PLEKHG2: variants seen among roughly 807,000 people sequenced by gnomAD.
PLEKHG2 encodes pleckstrin homology domain-containing family G member 2.
In PLEKHG2, 71 loss-of-function variants were observed where a neutral mutation model predicts 104.4. The observed-to-expected ratio is 0.68, with a 90% CI of 0.56 to 0.83. The LOEUF is 0.83. Ranked by LOEUF, PLEKHG2 falls within the 40% of genes least tolerant of loss-of-function variation. The pLI is 0.00. For synonymous variants in PLEKHG2, 728 were observed against 737.0 expected (o/e 0.99, Z 0.20); for missense variants, 1,730 against 1,809.4 (o/e 0.96, Z 0.80).
At chr19:39,414,668 T>C (rs558877426) in intron 2 of PLEKHG2, among the ~76,000 whole-genome samples, 1 of 152,154 alleles carries the variant, frequency 6.6e-6, no homozygotes, top group Non-Finnish European at 1.5e-5. Context: ...CAGTGCCCTG[T>C]GGATCTGAGG....
Position 39,423,367 on chromosome 19 carries a change from G to C in PLEKHG2, c.2313G>C (p.Trp771Cys), listed in dbSNP as rs2078730146. ...CTTGCTCAGAAATCCGGAGCGCCTG[G>C]CAGGCATTGGAACAGGGACAGCTGG... The part of the protein sequence containing the change: ...FRSCSEIRSA[W>C]QALEQGQLAR... The change falls in exon 18 of 19, where the codon TGG becomes TGC. Residue 771 changes from tryptophan to cysteine, a missense_variant. By Grantham distance (215) the Trp-to-Cys change is radical. Coordinates refer to ENST00000425673, the MANE Select transcript of PLEKHG2 (RefSeq NM_022835.3). 1 of 1,613,198 alleles carries C rather than the reference G, an allele frequency of 6.2e-7. No individual in the cohort carries two copies.
Position 39,425,997 on chromosome 19 carries a change from C to T in PLEKHG2, c.*703C>T, listed in dbSNP as rs575123610. The T allele has an allele frequency of 3.3e-5, 5 of 152,520 alleles. No homozygotes were observed. The highest frequency in any genetic ancestry group is 1.2e-4 in the African/African-American group (5 of 41,538). The allele number at this position is 152,520 out of a possible 1,614,324, so 9.4% of individuals were successfully genotyped here. On this transcript the variant is annotated 3_prime_UTR_variant, in exon 19 of 19. Coordinates refer to ENST00000425673, the MANE Select transcript of PLEKHG2 (RefSeq NM_022835.3). Reference sequence around the variant, plus strand: ...TTTATCCATCTTCCCACTTACCCATCTTCTCCATCCAGCACTCCGTTCATC... The same window carrying T: ...TTTATCCATCTTCCCACTTACCCATTTTCTCCATCCAGCACTCCGTTCATC...
intron 7 of PLEKHG2, 68 bp downstream of exon 7, chr19:39,417,068 A>G: frequency 2.7e-6 from 4 of 1,497,188 alleles, no homozygotes; most frequent in Non-Finnish European, 3.6e-6. Flanking sequence ...CTGTTGGTTC[A>G]TCTGGAGGAT....
At chr19:39,414,907 T>C (rs1054656134) in intron 2 of PLEKHG2, 85 bp from the exon 3 acceptor site, 33 of 1,427,018 alleles carry the variant, frequency 2.3e-5, no homozygotes, top group Non-Finnish European at 3.0e-5. Context: ...CAGGTGTGGG[T>C]GAGGGTGTGG....
chr19:39,414,266 G>C (rs924750241), intron 2 of PLEKHG2, 71 bp downstream of exon 2: 2 of 1,452,128 alleles, frequency 1.4e-6, no homozygotes, highest in East Asian at 5.0e-5. Context: ...AAGGCAGGGT[G>C]ATGGAGACAA....
chr19:39,416,507 G>A lies in PLEKHG2; in HGVS notation c.547-44G>A, dbSNP rs751761753. 1.2e-6 allele frequency: 2 copies of A among 1,613,214 alleles called. No homozygotes were observed. The highest frequency in any genetic ancestry group is 1.7e-6 in the Non-Finnish European group (2 of 1,179,506). On this transcript the variant is annotated intron_variant, in intron 5 of 18. Transcript: ENST00000425673. This position sits in a 1 kb window ranked among gnomAD's most constrained non-coding sequence, Gnocchi z 4.5. ...GGCTAGGCTGGAAGGGGGGTCGTGG[G>A]AAGCCAGGACCTGGGGTCTCCCTGA...
chr19:39,414,197 T>C lies in PLEKHG2; in HGVS notation c.109+2T>C. The C allele has an allele frequency of 3.9e-6, 6 of 1,551,046 alleles. No homozygotes were observed. The highest frequency in any genetic ancestry group is 5.2e-6 in the Non-Finnish European group (6 of 1,146,586). ...GCACCGTGTGTGAGACTCGGACAGG[T>C]GAGCCTAGAGGCAGGGGCGGCGGAG... On this transcript the variant is annotated splice_donor_variant, in intron 2 of 18. Transcript: ENST00000425673. LOFTEE classifies it high-confidence loss of function.
chr19:39,413,353 C>A lies in PLEKHG2; in HGVS notation c.-82C>A, dbSNP rs987808569. On this transcript the variant is annotated 5_prime_UTR_variant, in exon 1 of 19. Coordinates refer to ENST00000425673, the MANE Select transcript of PLEKHG2 (RefSeq NM_022835.3). The surrounding 1 kb of genome is among the most constrained non-coding windows in gnomAD (Gnocchi z 4.5). ...CTGGGCTCCGCACCTCCCTGGGGACCGCGTCGGGGTCGCGCAGGAGCCGGG... is the reference window on the plus strand; with the variant it reads ...CTGGGCTCCGCACCTCCCTGGGGACAGCGTCGGGGTCGCGCAGGAGCCGGG... 1 of 152,224 alleles carries A rather than the reference C, an allele frequency of 6.6e-6. No individual in the cohort carries two copies. Among genetic ancestry groups the A allele is most frequent in the Non-Finnish European group, 1.5e-5 (1 of 68,074 alleles). 9.4% of individuals were successfully genotyped at this position (152,224 alleles called of 1,614,324 possible).
At chr19:39,423,707 T>C (rs953954685) in intron 18 of PLEKHG2, 26 bp from the exon 19 acceptor site, 10 of 1,592,794 alleles carry the variant, frequency 6.3e-6, no homozygotes, top group Non-Finnish European at 8.6e-6. Flanking sequence ...GTAGTGGTCC[T>C]GACTCGATCC....
At position 39,423,072 on chromosome 19, in the gene PLEKHG2, C is replaced by T; in HGVS notation, c.2018C>T (p.Ala673Val). The T allele has an allele frequency of 6.2e-7, 1 of 1,614,192 alleles. No homozygotes were observed. Among genetic ancestry groups the T allele is most frequent in the Non-Finnish European group, 8.5e-7 (1 of 1,180,034 alleles). ...SDVFEMPCLP[A>V]IPSVPNTPSL... ...GTTTTTGAGATGCCCTGCCTTCCAGCCATACCTAGTGTCCCCAACACCCCC... is the reference window on the plus strand; with the variant it reads ...GTTTTTGAGATGCCCTGCCTTCCAGTCATACCTAGTGTCCCCAACACCCCC... Residue 673 changes from alanine to valine, a missense_variant, in exon 18 of 19, where the codon GCC becomes GTC. Transcript: ENST00000425673.
intron 13 of PLEKHG2, 47 bp from the exon 14 acceptor site, chr19:39,420,902 G>T: frequency 6.2e-7 from 1 of 1,613,922 alleles, no homozygotes; most frequent in Non-Finnish European, 8.5e-7. Flanking sequence ...ACTTCCCTAG[G>T]ACCCGGGAGC....
rs1329771417 is a variant in PLEKHG2 at position 39,412,764 on chromosome 19, A to G, written c.-671A>G. On this transcript the variant is annotated 5_prime_UTR_variant, in exon 1 of 19. Coordinates refer to ENST00000425673, the MANE Select transcript of PLEKHG2 (RefSeq NM_022835.3). ...GGACCCGGGCGTCCGGAATTTCTGC[A>G]CCGCATCCTGAGAGACCCCGAGGTC... The G allele has an allele frequency of 6.6e-6, 1 of 152,092 alleles. No homozygotes were observed. The highest frequency in any genetic ancestry group is 2.4e-5 in the African/African-American group (1 of 41,410). 9.4% of individuals were successfully genotyped at this position (152,092 alleles called of 1,614,324 possible). A position where few individuals can be genotyped will look rare whatever the true frequency, so the allele number is the denominator to read the frequency against.
chr19:39,418,376 C>T (rs949186944), intron 9 of PLEKHG2, among the ~76,000 whole-genome samples: 4 of 151,934 alleles, frequency 2.6e-5, no homozygotes, highest in South Asian at 4.2e-4. Flanking sequence ...GTCAGGAGTT[C>T]GAGACCAGCC....
intron 16 of PLEKHG2, 155 bp from the exon 17 acceptor site, chr19:39,421,960 T>G: frequency 1.5e-6 from 1 of 671,054 alleles, no homozygotes; most frequent in Non-Finnish European, 2.2e-6. Flanking sequence ...GAGATTGCAG[T>G]GAGCAGAGAT....
intron 2 of PLEKHG2, 31 bp downstream of exon 2, chr19:39,414,226 G>C: frequency 3.9e-6 from 6 of 1,544,390 alleles, no homozygotes; most frequent in Non-Finnish European, 5.3e-6. Context: ...GGCGGAGCCT[G>C]TGGGGCTTTT....
In PLEKHG2 at chr19:39,428,328, C is replaced by T. The variant is rs2078805244; in HGVS notation, c.*3034C>T. The T allele has an allele frequency of 6.6e-6, 1 of 152,262 alleles. No individual in the cohort carries two copies. Among genetic ancestry groups the T allele is most frequent in the Non-Finnish European group, 1.5e-5 (1 of 68,062 alleles). 9.4% of individuals were successfully genotyped at this position (152,262 alleles called of 1,614,324 possible). Reference sequence around the variant, plus strand: ...ATGAGGCTTGTGGCCTGGTACTGTGCACACCTCAGGGGATTCTGATAATTA... The same window carrying T: ...ATGAGGCTTGTGGCCTGGTACTGTGTACACCTCAGGGGATTCTGATAATTA... On this transcript the variant is annotated 3_prime_UTR_variant, in exon 19 of 19. Coordinates refer to ENST00000425673, the MANE Select transcript of PLEKHG2 (RefSeq NM_022835.3).
At position 39,422,725 on chromosome 19, in the gene PLEKHG2, A is replaced by C; in HGVS notation, c.1678-7A>C. 1 of 1,518,058 alleles carries C rather than the reference A, an allele frequency of 6.6e-7. No individual in the cohort carries two copies. The highest frequency in any genetic ancestry group is 8.8e-7 in the Non-Finnish European group (1 of 1,135,322). The allele number at this position is 1,518,058 out of a possible 1,614,324, so 94.0% of individuals were successfully genotyped here. On this transcript the variant is annotated splice_region_variant and splice_polypyrimidine_tract_variant and intron_variant, in intron 17 of 18. Coordinates refer to ENST00000425673, the MANE Select transcript of PLEKHG2 (RefSeq NM_022835.3). ...ATGTTTGGCTTGTTCTCCTGTGCCC[A>C]CTATAGCCGTCCACCCATGACATTC...
chr19:39,425,492 T>G lies in PLEKHG2; in HGVS notation c.*198T>G. ...GAAGGGAGGAATGTCATTAATGTTT[T>G]GTTAATACTGATTCTTTCATGCAAT... On this transcript the variant is annotated 3_prime_UTR_variant, in exon 19 of 19. Transcript: ENST00000425673. 1.2e-6 allele frequency: 1 copy of G among 835,016 alleles called. No homozygotes were observed. The highest frequency in any genetic ancestry group is 3.0e-5 in the East Asian group (1 of 32,976). The allele number at this position is 835,016 out of a possible 1,614,324, so 51.7% of individuals were successfully genotyped here.
At chr19:39,421,786 G>T in intron 16 of PLEKHG2, 1 of 231,928 alleles carries the variant, frequency 4.3e-6, no homozygotes, top group Admixed American at 5.3e-5. Flanking sequence ...GGAGGCCGAG[G>T]TAGGTGGATC....
Sources: gnomAD v4.1 joint callset for allele counts (sites outside exome capture counted in the v4.1 genomes callset) on GRCh38, gnomAD v4.1.1 for gene constraint, Gnocchi (gnomAD v3.1) non-coding constraint, MANE v1.5 for transcripts, NCBI Gene and HGNC (gene_info 2026-07-23, HGNC 2026-07-21) for gene names.